Variants in POMK observed in about 807,000 individuals in gnomAD.
POMK encodes the protein Sugen kinase 196.
POMK carries 19 observed loss-of-function variants against 23.0 expected under a neutral mutation model. The ratio of observed to expected loss-of-function variants is 0.83; its 90% CI spans 0.58 to 1.21. The LOEUF (loss-of-function observed/expected upper bound fraction) is 1.21. Among genes scored for constraint, POMK ranks in the 50% most tolerant of loss-of-function variants. The probability of loss-of-function intolerance (pLI) is 0.00; values close to 1 mark genes in which losing one functional copy is unlikely to be tolerated. For synonymous variants in POMK, 173 were observed against 171.6 expected (o/e 1.01, Z -0.06); for missense variants, 410 against 431.3 (o/e 0.95, Z 0.44).
chr8:43,100,958 C>G (rs1183713232), intron 2 of POMK, among the ~76,000 whole-genome samples: 1 of 152,052 alleles, frequency 6.6e-6, no homozygotes, highest in Non-Finnish European at 1.5e-5. Flanking sequence ...GCCATAGAGG[C>G]ACTGAAGTGT....
intron 4 of POMK, among the ~76,000 whole-genome samples, chr8:43,120,945 G>C (rs537388271): frequency 6.6e-6 from 1 of 152,142 alleles, no homozygotes; most frequent in African/African-American, 2.4e-5. Flanking sequence ...CCAAAGTGTT[G>C]GAATTACAGG....
chr8:43,102,902 G>A (rs963309715), intron 3 of POMK, among the ~76,000 whole-genome samples: 1 of 152,172 alleles, frequency 6.6e-6, no homozygotes, highest in Non-Finnish European at 1.5e-5. Context: ...CAATCTCATC[G>A]CTGTTATTCT....
chr8:43,103,780 A>C lies in POMK; in HGVS notation c.232A>C (p.Arg78=). 6.2e-7 allele frequency: 1 copy of C among 1,614,248 alleles called. No individual in the cohort carries two copies. The highest frequency in any genetic ancestry group is 2.2e-5 in the East Asian group (1 of 44,886). ...CSPWLSCEEL[R]TEVRQLKRVG... ...ACCTTGGCTGTCCTGCGAGGAGCTG[A>C]GAACAGAAGTGAGACAGCTGAAGCG... is the stretch of plus-strand genomic sequence containing the variant. Residue 78 remains arginine (R), a synonymous_variant, in exon 4 of 5, where the codon AGA becomes CGA. Transcript: ENST00000331373.
chr8:43,114,069 C>T (rs183636886), intron 4 of POMK, among the ~76,000 whole-genome samples: 191 of 152,344 alleles, frequency 1.3e-3, no homozygotes, highest in African/African-American at 4.5e-3. Context: ...GGGTCAGGGA[C>T]CCACTTGAGG....
At chr8:43,104,728 T>C (rs547609833) in intron 4 of POMK, among the ~76,000 whole-genome samples, 2 of 152,270 alleles carry the variant, frequency 1.3e-5, no homozygotes, top group African/African-American at 2.4e-5. Flanking sequence ...GCGGATTACT[T>C]AAGCACAGGA....
intron 4 of POMK, among the ~76,000 whole-genome samples, chr8:43,107,300 G>A (rs1414026623): frequency 2.0e-5 from 3 of 152,028 alleles, no homozygotes; most frequent in East Asian, 1.9e-4. Flanking sequence ...AACAAATCAC[G>A]ATAGGACTGA....
chr8:43,108,277 A>G (rs1811584403), intron 4 of POMK, among the ~76,000 whole-genome samples: 1 of 152,236 alleles, frequency 6.6e-6, no homozygotes, highest in Admixed American at 6.5e-5. Flanking sequence ...TACAAGTACA[A>G]GTCAAGGTTG....
At chr8:43,122,085 G>T (rs769578460) in intron 4 of POMK, 22 bp from the exon 5 acceptor site, 2 of 1,607,952 alleles carry the variant, frequency 1.2e-6, no homozygotes, top group Admixed American at 1.7e-5. Flanking sequence ...CAGGCCTGAT[G>T]CTCTCTATGG....
chr8:43,121,331 T>A (rs1052823649), intron 4 of POMK, among the ~76,000 whole-genome samples: 2 of 152,192 alleles, frequency 1.3e-5, no homozygotes, highest in African/African-American at 4.8e-5. Flanking sequence ...GTTCTTCCTT[T>A]AATTACAGTG....
chr8:43,097,994 G>GCACC (rs1336333903), intron 2 of POMK, among the ~76,000 whole-genome samples: 1 of 152,194 alleles, frequency 6.6e-6, no homozygotes, highest in Non-Finnish European at 1.5e-5. Context: ...GGTTACCTGG[G>GCACC]TCTTTGGCAG....
In POMK at chr8:43,103,834, A is replaced by G. The variant is rs776184446; in HGVS notation, c.282+4A>G. 1.9e-6 allele frequency: 3 copies of G among 1,613,648 alleles called. No individual in the cohort carries two copies. The highest frequency in any genetic ancestry group is 1.7e-5 in the Admixed American group (1 of 60,006). On this transcript the variant is annotated splice_donor_region_variant and intron_variant, in intron 4 of 4. Coordinates refer to ENST00000331373, the MANE Select transcript of POMK (RefSeq NM_032237.5). ...TGGGGAAGGAGCTGTAAAGAGAGTG[A>G]GTCCGGGTTCATTTGCGATTGCTGT... is the stretch of plus-strand genomic sequence containing the variant.
chr8:43,104,279 C>T (rs752290254), intron 4 of POMK, among the ~76,000 whole-genome samples: 27 of 152,172 alleles, frequency 1.8e-4, no homozygotes, highest in South Asian at 4.2e-4. Context: ...TATGCCACCA[C>T]GCCTGGCTAA....
Position 43,103,779 on chromosome 8 carries a change from G to A in POMK, c.231G>A (p.Leu77=). Residue 77 remains leucine, a synonymous_variant, in exon 4 of 5, where the codon CTG becomes CTA. Transcript: ENST00000331373. ...NCSPWLSCEE[L]RTEVRQLKRV... is the part of the protein sequence containing the mutation. ...CACCTTGGCTGTCCTGCGAGGAGCTGAGAACAGAAGTGAGACAGCTGAAGC... is the reference window on the plus strand; with the variant it reads ...CACCTTGGCTGTCCTGCGAGGAGCTAAGAACAGAAGTGAGACAGCTGAAGC... The A allele has an allele frequency of 1.2e-6, 2 of 1,614,234 alleles. No individual in the cohort carries two copies. The highest frequency in any genetic ancestry group is 2.2e-5 in the South Asian group (2 of 91,090).
intron 2 of POMK, among the ~76,000 whole-genome samples, chr8:43,101,417 CAAAAA>C (rs1156411465): frequency 1.2e-4 from 7 of 57,520 alleles, no homozygotes; most frequent in Non-Finnish European, 7.2e-5. Flanking sequence ...GACCCTATGT[CAAAAA>C]AAAAAAAAAA....
chr8:43,099,889 AG>A (rs1811404024), intron 2 of POMK, among the ~76,000 whole-genome samples: 1 of 152,154 alleles, frequency 6.6e-6, no homozygotes, highest in Admixed American at 6.5e-5. Context: ...CTGAGAGTGA[AG>A]GTGGGGGAAC....
At chr8:43,110,844 C>T (rs935764227) in intron 4 of POMK, among the ~76,000 whole-genome samples, 8 of 151,896 alleles carry the variant, frequency 5.3e-5, no homozygotes, top group South Asian at 4.2e-4. Context: ...AAGCTGAAGC[C>T]GGGAGGCGGA....
intron 1 of POMK, among the ~76,000 whole-genome samples, chr8:43,094,610 A>T: frequency 6.6e-6 from 1 of 152,204 alleles, no homozygotes. Context: ...GAATATTTAA[A>T]ATAATCCTCT....
In POMK at chr8:43,122,707, C is replaced by G; in HGVS notation, c.883C>G (p.His295Asp). The G allele has an allele frequency of 6.2e-7, 1 of 1,614,126 alleles. No homozygotes were observed. Among genetic ancestry groups the G allele is most frequent in the South Asian group, 1.1e-5 (1 of 91,086 alleles). Residue 295 changes from histidine (H) to aspartate (D), a missense_variant, in exon 5 of 5, where the codon CAC (histidine) becomes GAC (aspartate). His to Asp is a moderately conservative substitution (Grantham distance 81). Transcript: ENST00000331373. ...AGACATCTCCAGTTTCCTTCTGGGG[C>G]ACATTGAAGGGAGTGATATGGTCCG... Reference protein sequence around the residue: ...IPDISSFLLGHIEGSDMVRFH... With the variant: ...IPDISSFLLGDIEGSDMVRFH...
intron 1 of POMK, among the ~76,000 whole-genome samples, chr8:43,094,220 A>T (rs1288702486): frequency 6.6e-6 from 1 of 152,176 alleles, no homozygotes; most frequent in African/African-American, 2.4e-5. Flanking sequence ...TATTTTTAGT[A>T]GAAACGGGGT....
Sources: allele counts gnomAD v4.1 joint callset (sites outside exome capture counted in the v4.1 genomes callset), GRCh38; gene constraint gnomAD v4.1.1; transcripts MANE v1.5; gene names NCBI Gene and HGNC (gene_info 2026-07-23, HGNC 2026-07-21).